FRMD3: variants seen among roughly 807,000 people sequenced by gnomAD.
FRMD3 encodes FERM domain-containing protein 3.
A neutral mutation model predicts 70.2 loss-of-function variants in FRMD3; 33 were observed. That is an observed-to-expected ratio of 0.47 (90% CI 0.36 to 0.63). The LOEUF is 0.63. FRMD3 is among the 20% of genes least tolerant of loss of function. The pLI is 0.00. For synonymous variants in FRMD3, 279 were observed against 255.9 expected, an observed-to-expected ratio of 1.09 and a Z score of -0.86; for missense variants, 632 against 711.4, an observed-to-expected ratio of 0.89 and a Z score of 1.27.
intron 1 of FRMD3, among the ~76,000 whole-genome samples, chr9:83,435,821 T>C (rs1314466076): frequency 2.0e-5 from 3 of 152,134 alleles, no homozygotes; most frequent in Non-Finnish European, 4.4e-5. Flanking sequence ...ATTCAGTAAA[T>C]ATGAGGTGGA....
At chr9:83,547,155 A>G in the FRMD3 span, among the ~76,000 whole-genome samples, 1 of 150,244 alleles carries the variant, frequency 6.7e-6, no homozygotes, top group South Asian at 2.1e-4. Flanking sequence ...CTTTAAATCA[A>G]TATTTTAAGT....
At chr9:83,306,122 G>C (rs1286830640) in intron 10 of FRMD3, among the ~76,000 whole-genome samples, 1 of 151,980 alleles carries the variant, frequency 6.6e-6, no homozygotes, top group African/African-American at 2.4e-5. Flanking sequence ...ATAAAACAAC[G>C]TGCGTGAAAT....
chr9:83,320,427 T>G (rs948241669), intron 6 of FRMD3, among the ~76,000 whole-genome samples: 1 of 152,310 alleles, frequency 6.6e-6, no homozygotes, highest in Non-Finnish European at 1.5e-5. Flanking sequence ...GTTTTTGTCC[T>G]TAATTCTGTA....
intron 3 of FRMD3, among the ~76,000 whole-genome samples, chr9:83,351,353 C>CACACACACACACACACACAT (rs1554691465): frequency 6.6e-6 from 1 of 151,306 alleles, no homozygotes; most frequent in Non-Finnish European, 1.5e-5. Flanking sequence ...CACACACACA[C>CACACACACACACACACACAT]TAGAACTCTT....
chr9:83,298,879 A>T (rs1447546546), intron 11 of FRMD3, 63 bp from the exon 12 acceptor site: 4 of 1,476,664 alleles, frequency 2.7e-6, no homozygotes, highest in Non-Finnish European at 3.8e-6. Flanking sequence ...AGGGATATGC[A>T]CAAGTGTCCT....
chr9:83,335,675 A>G, intron 5 of FRMD3, 36 bp from the exon 6 acceptor site: 3 of 1,596,188 alleles, frequency 1.9e-6, no homozygotes, highest in South Asian at 1.1e-5. Flanking sequence ...ACAGAGAAAG[A>G]TTAAAAACAA....
chr9:83,310,840 AT>A (rs1374188823), intron 8 of FRMD3, among the ~76,000 whole-genome samples: 4 of 152,210 alleles, frequency 2.6e-5, no homozygotes, highest in Admixed American at 6.5e-5. Flanking sequence ...GATCAGAACA[AT>A]ATTAATTGCC....
At chr9:83,443,237 C>T (rs1827356262) in intron 1 of FRMD3, among the ~76,000 whole-genome samples, 3 of 152,118 alleles carry the variant, frequency 2.0e-5, no homozygotes, top group Non-Finnish European at 4.4e-5. Flanking sequence ...GTTTGCAGCA[C>T]CCATTAACTT....
chr9:83,343,230 G>A lies in FRMD3; in HGVS notation c.432C>T (p.Ser144=). Residue 144 remains serine (S), a synonymous_variant, in exon 5 of 14, where the codon TCC becomes TCT. Coordinates refer to ENST00000304195, the MANE Select transcript of FRMD3 (RefSeq NM_174938.6). The stretch of plus-strand genomic sequence containing the variant: ...CACCCAGGTAGGCAGCATCAGAAAA[G>A]GAGCACAGCAGGCGGCCATGAAAAA... ...RDIFHGRLLC[S]FSDAAYLGAC... is the part of the protein sequence containing the mutation. 1.2e-6 allele frequency: 2 copies of A among 1,614,066 alleles called. No individual in the cohort carries two copies. The highest frequency in any genetic ancestry group is 1.7e-6 in the Non-Finnish European group (2 of 1,179,940).
intron 1 of FRMD3, among the ~76,000 whole-genome samples, chr9:83,427,049 G>C (rs17404131): frequency 0.025 from 3,786 of 152,286 alleles, 74 homozygotes; most frequent in Non-Finnish European, 0.039. Flanking sequence ...TTCACTACTC[G>C]ATCTCAGTCC....
At chr9:83,446,618 G>A (rs371499558) in intron 1 of FRMD3, among the ~76,000 whole-genome samples, 3 of 136,578 alleles carry the variant, frequency 2.2e-5, no homozygotes, top group East Asian at 2.1e-4. Context: ...CTGCACTCCA[G>A]CCTGGGCGAC....
intron 13 of FRMD3, among the ~76,000 whole-genome samples, chr9:83,273,217 G>A (rs1048844945): frequency 6.6e-6 from 1 of 152,252 alleles, no homozygotes; most frequent in African/African-American, 2.4e-5. Context: ...AAAAGATAGA[G>A]AAATCAGATT....
At position 83,537,335 on chromosome 9, in the gene FRMD3, G is replaced by A. The variant is rs1052247901; in HGVS notation, c.147+750C>T. On this transcript the variant is annotated intron_variant, in intron 1 of 13. Coordinates refer to ENST00000304195, the MANE Select transcript of FRMD3 (RefSeq NM_174938.6). This position sits in a 1 kb window ranked among gnomAD's most constrained non-coding sequence, Gnocchi z 4.1. ...CAGTGAATGTCCACCAAGATTCCACGGGGCTCTTTTACCCAGGACCCAGGT... is the reference window on the plus strand; with the variant it reads ...CAGTGAATGTCCACCAAGATTCCACAGGGCTCTTTTACCCAGGACCCAGGT... 7.2e-5 allele frequency among the ~76,000 whole-genome samples: 11 copies of A among 152,146 alleles called. No individual in the cohort carries two copies. Among genetic ancestry groups the A allele is most frequent in the African/African-American group, 2.2e-4 (9 of 41,442 alleles).
intron 2 of FRMD3, among the ~76,000 whole-genome samples, chr9:83,378,476 TTATATATATAATATACATATAAAATTTA>T (rs1825223284): frequency 1.1e-5 from 1 of 91,622 alleles, no homozygotes; most frequent in Non-Finnish European, 2.3e-5. Context: ...CATATAAAAT[TTATATATATAATATACATATAAAATTTA>T]TATATATAAT....
intron 1 of FRMD3, among the ~76,000 whole-genome samples, chr9:83,434,550 A>T (rs942504247): frequency 1.3e-5 from 2 of 152,250 alleles, no homozygotes; most frequent in African/African-American, 4.8e-5. Flanking sequence ...CTTACCCAGC[A>T]GTAGAACAAT....
chr9:83,310,410 TA>T, intron 9 of FRMD3, 74 bp downstream of exon 9: 1 of 1,157,590 alleles, frequency 8.6e-7, no homozygotes, highest in Non-Finnish European at 1.3e-6. Flanking sequence ...ACTACAATAC[TA>T]AAGGCATATT....
intron 5 of FRMD3, 137 bp downstream of exon 5, chr9:83,343,053 T>C: frequency 1.5e-6 from 1 of 678,768 alleles, no homozygotes; most frequent in Non-Finnish European, 2.7e-6. Context: ...TGGGGTTCTG[T>C]TGCTACGTAC....
At chr9:83,439,904 A>G (rs1403921330) in intron 1 of FRMD3, among the ~76,000 whole-genome samples, 4 of 152,208 alleles carry the variant, frequency 2.6e-5, no homozygotes, top group Admixed American at 2.0e-4. Flanking sequence ...GAAAGACTAG[A>G]TATAATACTA....
intron 3 of FRMD3, among the ~76,000 whole-genome samples, chr9:83,372,061 C>A (rs1167392736): frequency 6.6e-6 from 1 of 152,212 alleles, no homozygotes; most frequent in Non-Finnish European, 1.5e-5. Flanking sequence ...TTAACCTAAT[C>A]TCTGACGAGA....
Sources: allele counts gnomAD v4.1 joint callset (sites outside exome capture counted in the v4.1 genomes callset), GRCh38; gene constraint gnomAD v4.1.1; non-coding constraint Gnocchi (gnomAD v3.1); transcripts MANE v1.5; gene names NCBI Gene and HGNC (gene_info 2026-07-23, HGNC 2026-07-21).